The following PACSIN2 variants were observed in gnomAD, a reference collection of about 807,000 sequenced individuals.
The protein encoded by PACSIN2 is protein kinase C and casein kinase substrate in neurons 2, also known as protein kinase C and casein kinase substrate in neurons protein 2.
PACSIN2 carries 25 observed loss-of-function variants against 63.8 expected under a neutral mutation model. That is an observed-to-expected ratio of 0.39 (90% confidence interval 0.29 to 0.55). The LOEUF (loss-of-function observed/expected upper bound fraction) is 0.55. Ranked by LOEUF, PACSIN2 falls within the 20% of genes least tolerant of loss-of-function variation. PACSIN2 has a pLI of 0.62. For missense variants in PACSIN2, 518 were observed against 646.9 expected (o/e 0.80, Z 2.16); for synonymous variants, 255 against 256.2 (o/e 1.00, Z 0.05).
intron 2 of PACSIN2, among the ~76,000 whole-genome samples, chr22:42,898,457 G>A (rs1299230184): frequency 3.9e-5 from 6 of 152,018 alleles, no homozygotes; most frequent in Admixed American, 3.9e-4. Flanking sequence ...TTTTAGTAGA[G>A]ACGGGTTTTC....
At chr22:42,981,574 G>A (rs1240393955) in intron 1 of PACSIN2, among the ~76,000 whole-genome samples, 3 of 118,804 alleles carry the variant, frequency 2.5e-5, no homozygotes, top group Admixed American at 8.1e-5. Flanking sequence ...GGTGAGGGGC[G>A]CCTCTGCCCG....
intron 1 of PACSIN2, among the ~76,000 whole-genome samples, chr22:42,996,902 A>G (rs926087935): frequency 2.0e-4 from 30 of 152,370 alleles, no homozygotes; most frequent in Admixed American, 3.3e-4. Context: ...TGTCATGAGA[A>G]TAAGTGTAAT....
chr22:42,891,702 G>A (rs548380215), intron 3 of PACSIN2, among the ~76,000 whole-genome samples: 4 of 152,202 alleles, frequency 2.6e-5, no homozygotes, highest in East Asian at 1.9e-4. Context: ...CACCGCGCCC[G>A]GCCATGCCTT....
At chr22:43,001,494 G>A (rs4269018) in intron 1 of PACSIN2, among the ~76,000 whole-genome samples, 1 of 152,244 alleles carries the variant, frequency 6.6e-6, no homozygotes, top group African/African-American at 2.4e-5. Flanking sequence ...ACTGACAGAA[G>A]AAGCAGGACT....
At chr22:42,876,818 C>G in intron 9 of PACSIN2, 70 bp downstream of exon 9, 1 of 1,580,124 alleles carries the variant, frequency 6.3e-7, no homozygotes, top group East Asian at 2.2e-5. Context: ...GGGTGAGACC[C>G]CTGGACAGAG....
At chr22:42,951,219 C>T (rs768265466) in intron 1 of PACSIN2, among the ~76,000 whole-genome samples, 21 of 152,248 alleles carry the variant, frequency 1.4e-4, no homozygotes, top group Non-Finnish European at 2.5e-4. Context: ...AAGGAATCCA[C>T]GAGCCTTATC....
chr22:42,994,793 G>C (rs1923288670), intron 1 of PACSIN2, among the ~76,000 whole-genome samples: 1 of 152,232 alleles, frequency 6.6e-6, no homozygotes, highest in African/African-American at 2.4e-5. Flanking sequence ...ACATATGAAA[G>C]GTCTGGGGGC....
chr22:42,936,842 C>T (rs758174433), intron 1 of PACSIN2, among the ~76,000 whole-genome samples: 2 of 139,584 alleles, frequency 1.4e-5, no homozygotes, highest in South Asian at 4.5e-4. Flanking sequence ...ACCCGCGAGA[C>T]GGAGGTTGCA....
In PACSIN2 at chr22:42,962,778, G is replaced by GCGGGGC. The variant is rs1920927054; in HGVS notation, c.-77-50622_-77-50621insGCCCCG. ...AGTCACAAGAGCAAGGTGTGGGCGGGGGGGGGGGGCGGCGCAGAAAAAGAA... is the reference window on the plus strand; with the variant it reads ...AGTCACAAGAGCAAGGTGTGGGCGGGCGGGGCGGGGGGGGGCGGCGCAGAAAAAGAA... On this transcript the variant is annotated intron_variant, in intron 1 of 10. Coordinates refer to ENST00000263246, the MANE Select transcript of PACSIN2 (RefSeq NM_001184970.3). Among the ~76,000 whole-genome samples the GCGGGGC allele has an allele frequency of 2.6e-5, 3 of 116,396 alleles. 1 individual carries two copies. The highest frequency in any genetic ancestry group is 9.3e-5 in the Admixed American group (1 of 10,796). 76.4% of individuals were successfully genotyped at this position (116,396 alleles called of 152,430 possible).
chr22:42,938,461 A>C lies in PACSIN2; in HGVS notation c.-77-26304T>G, dbSNP rs193115357. On this transcript the variant is annotated intron_variant, in intron 1 of 10. Transcript: ENST00000263246. ...CCTTCTCCCTTTCCCATGACCTTAG[A>C]GGAAAGGAAGGTCAGTCACAGCAGC... Among the ~76,000 whole-genome samples, 83 of 152,298 alleles carry C rather than the reference A, an allele frequency of 5.4e-4. 1 individual carries two copies. The highest frequency in any genetic ancestry group is 3.4e-3 in the Middle Eastern group (1 of 294).
At chr22:43,010,799 G>A (rs1924440936) in intron 1 of PACSIN2, among the ~76,000 whole-genome samples, 1 of 152,182 alleles carries the variant, frequency 6.6e-6, no homozygotes, top group Non-Finnish European at 1.5e-5. Context: ...GGTGCTTTAA[G>A]TTTTATTAAG....
intron 1 of PACSIN2, among the ~76,000 whole-genome samples, chr22:42,964,293 C>T (rs1920935336): frequency 6.6e-6 from 1 of 152,042 alleles, no homozygotes; most frequent in South Asian, 2.1e-4. Context: ...TGGCACATGC[C>T]TGTAATCTCA....
chr22:42,982,888 A>C (rs12162727), intron 1 of PACSIN2, among the ~76,000 whole-genome samples: 3,071 of 104,962 alleles, frequency 0.029, 192 homozygotes, highest in African/African-American at 0.088. Flanking sequence ...AAAAAAAAAA[A>C]AACAACAACA....
chr22:42,943,621 CTTTT>C (rs142091254), intron 1 of PACSIN2, among the ~76,000 whole-genome samples: 2,268 of 152,166 alleles, frequency 0.015, 50 homozygotes, highest in African/African-American at 0.051. Flanking sequence ...TTTTTTCTTT[CTTTT>C]GTTTTGTTTT....
intron 1 of PACSIN2, among the ~76,000 whole-genome samples, chr22:42,922,003 T>A (rs1340307620): frequency 6.6e-6 from 1 of 152,184 alleles, no homozygotes; most frequent in Non-Finnish European, 1.5e-5. Context: ...CCTCCCAAAG[T>A]GCTGGGATTA....
intron 2 of PACSIN2, among the ~76,000 whole-genome samples, chr22:42,899,462 T>C (rs1252043551): frequency 6.6e-6 from 1 of 152,012 alleles, no homozygotes; most frequent in Non-Finnish European, 1.5e-5. Flanking sequence ...CCTCTGTATG[T>C]GGGTGCCCAG....
intron 1 of PACSIN2, among the ~76,000 whole-genome samples, chr22:42,915,352 A>G (rs1931741907): frequency 6.6e-6 from 1 of 152,218 alleles, no homozygotes; most frequent in African/African-American, 2.4e-5. Context: ...GCAACCAGCA[A>G]GGGGAAGGGA....
intron 1 of PACSIN2, among the ~76,000 whole-genome samples, chr22:42,983,935 C>T (rs955305041): frequency 2.7e-5 from 4 of 150,438 alleles, no homozygotes; most frequent in South Asian, 2.1e-4. Flanking sequence ...GAAGAAGCTA[C>T]GCACAGGCTA....
chr22:42,913,712 G>A (rs1385337199), intron 1 of PACSIN2, among the ~76,000 whole-genome samples: 1 of 152,054 alleles, frequency 6.6e-6, no homozygotes, highest in Non-Finnish European at 1.5e-5. Flanking sequence ...CATTACTTCT[G>A]TCTCTATTTT....
Sources: gnomAD v4.1 joint callset for allele counts (sites outside exome capture counted in the v4.1 genomes callset) on GRCh38, gnomAD v4.1.1 for gene constraint, MANE v1.5 for transcripts, NCBI Gene and HGNC (gene_info 2026-07-23, HGNC 2026-07-21) for gene names.